USP6NL: variants seen among roughly 807,000 people sequenced by gnomAD.
USP6NL encodes the protein USP6 N-terminal-like protein.
USP6NL carries 26 observed loss-of-function variants against 61.9 expected under a neutral mutation model. That is an observed-to-expected ratio of 0.42 (90% CI 0.31 to 0.58). The LOEUF is 0.58. USP6NL is among the 20% of genes least tolerant of loss of function. USP6NL has a pLI of 0.16. For missense variants in USP6NL, 1,114 were observed against 1,034.3 expected (o/e 1.08, Z -1.06); for synonymous variants, 432 against 390.1 (o/e 1.11, Z -1.27).
chr10:11,609,147 C>G (rs909994280), intron 1 of USP6NL, among the ~76,000 whole-genome samples: 1 of 152,154 alleles, frequency 6.6e-6, no homozygotes, highest in Non-Finnish European at 1.5e-5. Flanking sequence ...TCACTGCAAC[C>G]TCTACCTCCC....
At position 11,520,891 on chromosome 10, in the gene USP6NL, A is replaced by G. The variant is rs1835178011; in HGVS notation, c.156-2317T>C. ...AAATGTTTGCCAAACCCTGCTTTAG[A>G]GAACAAGGGCTTAAGAGCACCTAAA... On this transcript the variant is annotated intron_variant, in intron 4 of 14. Transcript: ENST00000609104. The surrounding 1 kb of genome is among the most constrained non-coding windows in gnomAD (Gnocchi z 5.2). Among the ~76,000 whole-genome samples the G allele has an allele frequency of 6.6e-6, 1 of 152,240 alleles. No individual in the cohort carries two copies. Among genetic ancestry groups the G allele is most frequent in the Non-Finnish European group, 1.5e-5 (1 of 68,044 alleles).
chr10:11,573,932 C>T (rs374405371), intron 2 of USP6NL: 7 of 344,218 alleles, frequency 2.0e-5, no homozygotes, highest in East Asian at 4.3e-5. Context: ...TCCTCAAAGT[C>T]CAAAATGTAT....
In USP6NL at chr10:11,518,682, A is replaced by G; in HGVS notation, c.156-108T>C. ...ACATACAATATTTATTTGTCATCAC[A>G]AGAGTTACATAGGCTTCCATTCATT... is the stretch of plus-strand genomic sequence containing the variant. On this transcript the variant is annotated intron_variant, in intron 4 of 14. Coordinates refer to ENST00000609104, the MANE Select transcript of USP6NL (RefSeq NM_014688.5). The surrounding 1 kb of genome is among the most constrained non-coding windows in gnomAD (Gnocchi z 5.3). 1 of 828,910 alleles carries G rather than the reference A, an allele frequency of 1.2e-6. No individual in the cohort carries two copies. Among genetic ancestry groups the G allele is most frequent in the South Asian group, 1.8e-5 (1 of 54,546 alleles). 51.3% of individuals were successfully genotyped at this position (828,910 alleles called of 1,614,324 possible).
intron 2 of USP6NL, among the ~76,000 whole-genome samples, chr10:11,577,231 A>T (rs2133591813): frequency 6.6e-6 from 1 of 151,092 alleles, no homozygotes; most frequent in African/African-American, 2.4e-5. Context: ...TGCCAGGCTA[A>T]TTTTTTTGTA....
chr10:11,472,118 C>T (rs1832776995), intron 14 of USP6NL, among the ~76,000 whole-genome samples: 1 of 152,094 alleles, frequency 6.6e-6, no homozygotes, highest in African/African-American at 2.4e-5. Context: ...TACGGCAGTG[C>T]TAACAATTAG....
In USP6NL at chr10:11,532,327, T is replaced by C; in HGVS notation, c.5-4760A>G. The stretch of plus-strand genomic sequence containing the variant: ...GGCGGTACCTCACACATTCTGCAAC[T>C]AACTAAAACAAAGAAAGGCAGAGGC... On this transcript the variant is annotated intron_variant, in intron 2 of 14. Coordinates refer to ENST00000609104, the MANE Select transcript of USP6NL (RefSeq NM_014688.5). The surrounding 1 kb of genome is among the most constrained non-coding windows in gnomAD (Gnocchi z 4.1). 2 of 1,021,316 alleles carry C rather than the reference T, an allele frequency of 2.0e-6. No homozygotes were observed. The highest frequency in any genetic ancestry group is 1.4e-6 in the Non-Finnish European group (1 of 715,320). 63.3% of individuals were successfully genotyped at this position (1,021,316 alleles called of 1,614,324 possible). A position where few individuals can be genotyped will look rare whatever the true frequency, so the allele number is the denominator to read the frequency against.
At chr10:11,552,821 T>A (rs1025929620) in intron 2 of USP6NL, among the ~76,000 whole-genome samples, 21 of 152,228 alleles carry the variant, frequency 1.4e-4, no homozygotes, top group Admixed American at 9.8e-4. Context: ...GCTGCTTTAT[T>A]ATTTTTTTAA....
chr10:11,549,229 T>G (rs1671825884), intron 2 of USP6NL, among the ~76,000 whole-genome samples: 1 of 152,118 alleles, frequency 6.6e-6, no homozygotes, highest in Admixed American at 6.5e-5. Context: ...CTCTTTTCTG[T>G]TCAAAGATAA....
intron 14 of USP6NL, among the ~76,000 whole-genome samples, chr10:11,467,269 G>A (rs1832511476): frequency 6.6e-6 from 1 of 152,008 alleles, no homozygotes; most frequent in African/African-American, 2.4e-5. Context: ...AATATGAACA[G>A]GAAACTCAAA....
intron 2 of USP6NL, chr10:11,573,655 T>C (rs1199373762): frequency 2.5e-6 from 1 of 398,792 alleles, no homozygotes; most frequent in African/African-American, 2.1e-5. Flanking sequence ...CCAGCTCCTT[T>C]ACAATCTGCA....
intron 2 of USP6NL, among the ~76,000 whole-genome samples, chr10:11,566,823 G>C (rs1244452775): frequency 6.6e-6 from 1 of 152,222 alleles, no homozygotes; most frequent in Non-Finnish European, 1.5e-5. Context: ...AAGCAAGAGA[G>C]GAATGGTGCG....
intron 14 of USP6NL, among the ~76,000 whole-genome samples, chr10:11,471,912 A>T (rs1243904423): frequency 6.6e-5 from 10 of 151,682 alleles, no homozygotes; most frequent in Non-Finnish European, 1.2e-4. Context: ...CCAACATGGC[A>T]CATGTATACA....
At chr10:11,479,100 G>C (rs148824812) in intron 14 of USP6NL, among the ~76,000 whole-genome samples, 7 of 152,262 alleles carry the variant, frequency 4.6e-5, no homozygotes, top group African/African-American at 1.7e-4. Context: ...TCTCAATGAA[G>C]TTGTACCCAT....
In USP6NL at chr10:11,476,837, CTATGAAATAAAT is replaced by C. The variant is rs1319681915; in HGVS notation, c.1078+4921_1078+4932del. Among the ~76,000 whole-genome samples, 2 of 152,100 alleles carry C rather than the reference CTATGAAATAAAT, an allele frequency of 1.3e-5. No individual in the cohort carries two copies. The highest frequency in any genetic ancestry group is 4.8e-5 in the African/African-American group (2 of 41,418). On this transcript the variant is annotated intron_variant, in intron 14 of 14. Transcript: ENST00000609104. This position sits in a 1 kb window ranked among gnomAD's most constrained non-coding sequence, Gnocchi z 4.3. ...AACACTTTTACAAACCACCCCCATACTATGAAATAAATAAATCAAGCATTTGACTTTTTTTAT... is the reference window on the plus strand; with the variant it reads ...AACACTTTTACAAACCACCCCCATACAAATCAAGCATTTGACTTTTTTTAT...
rs75005922 is a variant in USP6NL, at chr10:11,596,704, G to A, written c.4+927C>T. On this transcript the variant is annotated intron_variant, in intron 2 of 14. Transcript: ENST00000609104. The surrounding 1 kb of genome is among the most constrained non-coding windows in gnomAD (Gnocchi z 4.1). ...CTTTGTTTCTTCAAAGTACACTACCGAAAAAGTATACCACTGAAAAGTCAA... is the reference window on the plus strand; with the variant it reads ...CTTTGTTTCTTCAAAGTACACTACCAAAAAAGTATACCACTGAAAAGTCAA... Among the ~76,000 whole-genome samples, 1,559 of 151,374 alleles carry A rather than the reference G, an allele frequency of 0.01. 26 individuals are homozygous for A. The highest frequency in any genetic ancestry group is 0.036 in the African/African-American group (1,473 of 41,218).
intron 5 of USP6NL, among the ~76,000 whole-genome samples, chr10:11,512,143 A>G (rs987027853): frequency 1.3e-5 from 2 of 152,156 alleles, no homozygotes; most frequent in Non-Finnish European, 2.9e-5. Flanking sequence ...CTTGCCATAG[A>G]CTCAACCACA....
At chr10:11,493,767 G>A (rs560030569) in intron 7 of USP6NL, among the ~76,000 whole-genome samples, 1 of 149,574 alleles carries the variant, frequency 6.7e-6, no homozygotes, top group East Asian at 2.0e-4. Flanking sequence ...CTGTGCGGCC[G>A]GACCTCTGGG....
Position 11,499,496 on chromosome 10 carries a change from G to A in USP6NL, c.384+1605C>T, listed in dbSNP as rs1834082053. Among the ~76,000 whole-genome samples, 1 of 152,162 alleles carries A rather than the reference G, an allele frequency of 6.6e-6. No individual in the cohort carries two copies. The highest frequency in any genetic ancestry group is 6.5e-5 in the Admixed American group (1 of 15,274). On this transcript the variant is annotated intron_variant, in intron 7 of 14. Transcript: ENST00000609104. This position sits in a 1 kb window ranked among gnomAD's most constrained non-coding sequence, Gnocchi z 4.5. ...ATGTCCACCAAGAACCTGTGACTGT[G>A]ACCTCATCTGGAAATGGGGCCTCTG... is the stretch of plus-strand genomic sequence containing the variant.
chr10:11,531,118 G>C (rs142372583), intron 2 of USP6NL, among the ~76,000 whole-genome samples: 1 of 152,100 alleles, frequency 6.6e-6, no homozygotes, highest in Non-Finnish European at 1.5e-5. Context: ...AATTCACACC[G>C]CATGTTTATG....
Sources: allele counts gnomAD v4.1 joint callset (sites outside exome capture counted in the v4.1 genomes callset), GRCh38; gene constraint gnomAD v4.1.1; non-coding constraint Gnocchi (gnomAD v3.1); transcripts MANE v1.5; gene names NCBI Gene and HGNC (gene_info 2026-07-23, HGNC 2026-07-21).